The following TDRP variants were observed in gnomAD, a reference collection of about 807,000 sequenced individuals.
The protein encoded by TDRP is testis development related protein.
In TDRP, 12 loss-of-function variants were observed where a neutral mutation model predicts 10.5. The observed-to-expected ratio is 1.15, with a 90% CI of 0.73 to 1.86. The LOEUF is 1.86. Ranked by LOEUF, TDRP falls within the 40% of genes most tolerant of loss-of-function variation. TDRP has a pLI of 0.00. For missense variants in TDRP, 353 were observed against 229.2 expected (o/e 1.54, Z -3.49); for synonymous variants, 139 against 95.4 (o/e 1.46, Z -2.67).
At chr8:508,613 G>A (rs971464734) in intron 1 of TDRP, among the ~76,000 whole-genome samples, 1 of 152,146 alleles carries the variant, frequency 6.6e-6, no homozygotes, top group African/African-American at 2.4e-5. Context: ...CCTCTCACCA[G>A]GTCCTGCCCT....
chr8:542,537 T>G (rs1179821565), intron 1 of TDRP, among the ~76,000 whole-genome samples: 1 of 148,900 alleles, frequency 6.7e-6, no homozygotes, highest in Non-Finnish European at 1.5e-5. Context: ...TCTATTAAAG[T>G]TTTTTCCCCC....
rs181659179 is a variant in TDRP at position 535,979 on chromosome 8, T to C, written c.108+8671A>G. On this transcript the variant is annotated intron_variant, in intron 1 of 2. Transcript: ENST00000324079. ...AGTGAAACCCACAGCCTAACTCTAA[T>C]AAGAATAGCAGCTTTTAGACATTCT... Among the ~76,000 whole-genome samples, 94 of 152,276 alleles carry C rather than the reference T, an allele frequency of 6.2e-4. 2 individuals carry two copies. The highest frequency in any genetic ancestry group is 1.2e-3 in the Non-Finnish European group (84 of 68,018).
At position 492,618 on chromosome 8, in the gene TDRP, T is replaced by C; in HGVS notation, c.339A>G (p.Lys113=). 1.2e-6 allele frequency: 2 copies of C among 1,613,980 alleles called. No homozygotes were observed. Among genetic ancestry groups the C allele is most frequent in the East Asian group, 2.2e-5 (1 of 44,876 alleles). The change falls in exon 3 of 3, where the codon AAA becomes AAG. Residue 113 remains lysine, a synonymous_variant. Transcript: ENST00000324079. ...PDEIEGWEPP[K]LALEDISADP... Reference sequence around the variant, plus strand: ...CAGCCGATATGTCTTCAAGAGCAAGTTTTGGAGGCTCCCAACCTTCAATTT... The same window carrying C: ...CAGCCGATATGTCTTCAAGAGCAAGCTTTGGAGGCTCCCAACCTTCAATTT...
intron 1 of TDRP, among the ~76,000 whole-genome samples, chr8:542,007 A>T (rs1365144482): frequency 1.3e-5 from 2 of 152,194 alleles, no homozygotes; most frequent in Non-Finnish European, 2.9e-5. Context: ...AAAACGTGAA[A>T]GCAACCAACA....
chr8:535,101 A>G (rs192946747), intron 1 of TDRP, among the ~76,000 whole-genome samples: 4 of 152,362 alleles, frequency 2.6e-5, no homozygotes, highest in Non-Finnish European at 2.9e-5. Context: ...AGAATATTGT[A>G]CTTCCATCTG....
At chr8:504,765 C>G (rs1229112041) in intron 1 of TDRP, among the ~76,000 whole-genome samples, 1 of 152,192 alleles carries the variant, frequency 6.6e-6, no homozygotes, top group African/African-American at 2.4e-5. Context: ...TAAGTTTGAA[C>G]ACACCAGAAA....
chr8:536,621 A>T (rs1026935672), intron 1 of TDRP, among the ~76,000 whole-genome samples: 5 of 152,244 alleles, frequency 3.3e-5, no homozygotes, highest in Non-Finnish European at 5.9e-5. Flanking sequence ...GTATGAAAAA[A>T]ATGTAAAGGA....
intron 1 of TDRP, among the ~76,000 whole-genome samples, chr8:529,260 C>T (rs1000690427): frequency 2.0e-5 from 3 of 151,908 alleles, no homozygotes; most frequent in African/African-American, 7.3e-5. Flanking sequence ...CCATCACATC[C>T]CCTAAATATA....
chr8:507,999 C>G (rs1282530861), intron 1 of TDRP, among the ~76,000 whole-genome samples: 1 of 152,152 alleles, frequency 6.6e-6, no homozygotes, highest in Non-Finnish European at 1.5e-5. Context: ...ACCCATACAT[C>G]AGAAAACAAC....
Position 491,568 on chromosome 8 carries a change from C to T in TDRP, c.*831G>A, listed in dbSNP as rs1331968155. On this transcript the variant is annotated 3_prime_UTR_variant, in exon 3 of 3. Transcript: ENST00000324079. ...ACATATGAGCCTAATAAAAAAGAGGCACTTCAGTATTTTATGCACAGTCTT... is the reference window on the plus strand; with the variant it reads ...ACATATGAGCCTAATAAAAAAGAGGTACTTCAGTATTTTATGCACAGTCTT... The T allele has an allele frequency of 6.8e-7, 1 of 1,479,218 alleles. No homozygotes were observed. Among genetic ancestry groups the T allele is most frequent in the African/African-American group, 1.4e-5 (1 of 70,246 alleles). 91.6% of individuals were successfully genotyped at this position (1,479,218 alleles called of 1,614,324 possible).
chr8:533,258 C>G (rs1426617507), intron 1 of TDRP, among the ~76,000 whole-genome samples: 2 of 152,204 alleles, frequency 1.3e-5, no homozygotes. Flanking sequence ...TGCTGGGCTC[C>G]TCAACTCTGG....
chr8:539,926 C>A (rs1802449034), intron 1 of TDRP, among the ~76,000 whole-genome samples: 1 of 152,134 alleles, frequency 6.6e-6, no homozygotes, highest in Non-Finnish European at 1.5e-5. Context: ...TGTCTTTTTT[C>A]TTTGCAATGT....
intron 1 of TDRP, among the ~76,000 whole-genome samples, chr8:526,096 G>A (rs540560518): frequency 2.6e-5 from 4 of 152,248 alleles, no homozygotes; most frequent in East Asian, 3.9e-4. Context: ...CCTTTATTGT[G>A]CCTTTAGTGA....
intron 1 of TDRP, among the ~76,000 whole-genome samples, chr8:524,832 G>A (rs1801996589): frequency 6.6e-6 from 1 of 152,140 alleles, no homozygotes; most frequent in South Asian, 2.1e-4. Context: ...CCTCAAAAAG[G>A]CAAAGCTAGG....
At chr8:501,630 A>C (rs1286344105) in intron 1 of TDRP, among the ~76,000 whole-genome samples, 2 of 152,182 alleles carry the variant, frequency 1.3e-5, no homozygotes, top group Non-Finnish European at 2.9e-5. Flanking sequence ...TACAGGCGTG[A>C]GACACCGCGC....
intron 1 of TDRP, among the ~76,000 whole-genome samples, chr8:518,146 C>T (rs915090820): frequency 3.9e-5 from 6 of 152,076 alleles, no homozygotes; most frequent in Non-Finnish European, 8.8e-5. Context: ...AATGTATGTT[C>T]GTCAATTTTA....
chr8:506,576 T>C (rs1801471160), intron 1 of TDRP, among the ~76,000 whole-genome samples: 1 of 152,168 alleles, frequency 6.6e-6, no homozygotes, highest in Admixed American at 6.5e-5. Flanking sequence ...GGAGCCCTGA[T>C]CACCCTTCCT....
At position 490,952 on chromosome 8, in the gene TDRP, G is replaced by A. The variant is rs904468344; in HGVS notation, c.*1447C>T. On this transcript the variant is annotated 3_prime_UTR_variant, in exon 3 of 3. Transcript: ENST00000324079. ...GAGAGAAGACAGACATAGAGGACAG[G>A]TGAATAGATACGGATGATTGATAGG... 1.3e-5 allele frequency: 2 copies of A among 152,180 alleles called. No homozygotes were observed. Among genetic ancestry groups the A allele is most frequent in the Admixed American group, 6.5e-5 (1 of 15,278 alleles). The allele number at this position is 152,180 out of a possible 1,614,324, so 9.4% of individuals were successfully genotyped here. A position where few individuals can be genotyped will look rare whatever the true frequency, so the allele number is the denominator to read the frequency against.
intron 1 of TDRP, among the ~76,000 whole-genome samples, chr8:540,032 T>C (rs1230390851): frequency 6.6e-6 from 1 of 152,210 alleles, no homozygotes; most frequent in Non-Finnish European, 1.5e-5. Context: ...CCTAGCCAAA[T>C]CCCTATGCAA....
Sources: gnomAD v4.1 joint callset for allele counts (sites outside exome capture counted in the v4.1 genomes callset) on GRCh38, gnomAD v4.1.1 for gene constraint, MANE v1.5 for transcripts, NCBI Gene and HGNC (gene_info 2026-07-23, HGNC 2026-07-21) for gene names.